RBFOX1: variants seen among roughly 807,000 people sequenced by gnomAD.
RBFOX1 encodes RNA binding fox-1 homolog 1, also known as RNA binding protein fox-1 homolog 1.
A neutral mutation model predicts 57.7 loss-of-function variants in RBFOX1; 8 were observed. The observed-to-expected ratio is 0.14, with a 90% confidence interval of 0.08 to 0.25. RBFOX1 has a LOEUF of 0.25. RBFOX1 is among the 10% of genes least tolerant of loss of function. The pLI, the probability that RBFOX1 is intolerant of heterozygous loss-of-function variation, is 1.00. For missense variants in RBFOX1, 611 were observed against 548.5 expected (o/e 1.11, Z -1.14); for synonymous variants, 326 against 222.4 (o/e 1.47, Z -4.15).
intron 4 of RBFOX1, among the ~76,000 whole-genome samples, chr16:7,155,734 T>TACACACAC (rs1347112963): frequency 2.4e-5 from 2 of 82,464 alleles, no homozygotes; most frequent in Admixed American, 2.5e-4. Context: ...TATATATATA[T>TACACACAC]ATATACACAC....
At chr16:5,985,160 A>G (rs887265502) in intron 4 of RBFOX1, among the ~76,000 whole-genome samples, 1 of 150,580 alleles carries the variant, frequency 6.6e-6, no homozygotes, top group Non-Finnish European at 1.5e-5. Flanking sequence ...TCATATATAT[A>G]TATTTTTATT....
At chr16:6,863,601 T>C (rs1015419959) in intron 3 of RBFOX1, among the ~76,000 whole-genome samples, 3 of 150,726 alleles carry the variant, frequency 2.0e-5, no homozygotes, top group African/African-American at 7.3e-5. Flanking sequence ...ACGCCATTTT[T>C]ATCTTCTTTG....
At chr16:7,439,018 C>T (rs1045266072) in intron 4 of RBFOX1, among the ~76,000 whole-genome samples, 1 of 152,172 alleles carries the variant, frequency 6.6e-6, no homozygotes, top group African/African-American at 2.4e-5. Context: ...TGTGGTGGAG[C>T]AGAGTTCAGC....
chr16:5,394,923 C>T (rs767837126), intron 1 of RBFOX1, among the ~76,000 whole-genome samples: 10 of 152,086 alleles, frequency 6.6e-5, no homozygotes, highest in Non-Finnish European at 1.3e-4. Context: ...TCCTCACTGG[C>T]CACCTTGTGT....
At chr16:5,472,785 A>C (rs1008354678) in intron 2 of RBFOX1, among the ~76,000 whole-genome samples, 1 of 152,182 alleles carries the variant, frequency 6.6e-6, no homozygotes, top group Non-Finnish European at 1.5e-5. Context: ...TTACCAGCGT[A>C]ATTAGAGCAG....
intron 3 of RBFOX1, among the ~76,000 whole-genome samples, chr16:5,847,815 C>G (rs2056795015): frequency 6.6e-6 from 1 of 152,074 alleles, no homozygotes; most frequent in African/African-American, 2.4e-5. Context: ...GAAATGAAGA[C>G]TGTAGGGTGT....
chr16:7,263,376 G>C (rs1478228611), intron 4 of RBFOX1, among the ~76,000 whole-genome samples: 2 of 152,272 alleles, frequency 1.3e-5, no homozygotes, highest in East Asian at 3.9e-4. Context: ...GAATCATCAG[G>C]AGACTAGAAG....
chr16:6,599,437 T>C (rs901863021), intron 2 of RBFOX1, among the ~76,000 whole-genome samples: 1 of 152,144 alleles, frequency 6.6e-6, no homozygotes, highest in African/African-American at 2.4e-5. Context: ...CAGAATACTT[T>C]GCTGAAATAA....
intron 3 of RBFOX1, among the ~76,000 whole-genome samples, chr16:5,723,876 C>G (rs12324936): frequency 6.6e-6 from 1 of 152,224 alleles, no homozygotes; most frequent in Non-Finnish European, 1.5e-5. Flanking sequence ...ACAGCAAAGT[C>G]GCTTCTACAT....
At chr16:5,519,630 C>T (rs1045841280) in intron 2 of RBFOX1, among the ~76,000 whole-genome samples, 1 of 152,062 alleles carries the variant, frequency 6.6e-6, no homozygotes, top group African/African-American at 2.4e-5. Context: ...GAGGCTGAGG[C>T]AAGAAGATTG....
chr16:7,480,371 GT>G (rs1339598393), intron 4 of RBFOX1, among the ~76,000 whole-genome samples: 1 of 152,172 alleles, frequency 6.6e-6, no homozygotes, highest in Non-Finnish European at 1.5e-5. Flanking sequence ...TGTTTAGAGG[GT>G]TAAGAGAGAT....
chr16:7,258,019 G>A (rs1243780235), intron 4 of RBFOX1, among the ~76,000 whole-genome samples: 3 of 152,202 alleles, frequency 2.0e-5, no homozygotes, highest in Non-Finnish European at 4.4e-5. Context: ...GATGTTCAAT[G>A]TAATCAGCAC....
intron 1 of RBFOX1, among the ~76,000 whole-genome samples, chr16:6,236,533 C>G (rs1321314823): frequency 1.3e-5 from 2 of 151,784 alleles, no homozygotes; most frequent in Non-Finnish European, 2.9e-5. Flanking sequence ...CTCCTGGGTT[C>G]AAGTGACTCC....
intron 4 of RBFOX1, among the ~76,000 whole-genome samples, chr16:7,373,291 A>G (rs1250963874): frequency 1.3e-5 from 2 of 152,160 alleles, no homozygotes; most frequent in East Asian, 1.9e-4. Context: ...CCTAAGGAAC[A>G]TACGTTACAT....
chr16:6,062,306 C>G (rs2095698186), intron 1 of RBFOX1, among the ~76,000 whole-genome samples: 1 of 151,960 alleles, frequency 6.6e-6, no homozygotes, highest in African/African-American at 2.4e-5. Context: ...CCTGCCCTCT[C>G]AAGAGGTCAA....
At chr16:6,424,618 TGC>T (rs888097237) in intron 2 of RBFOX1, among the ~76,000 whole-genome samples, 9 of 121,112 alleles carry the variant, frequency 7.4e-5, no homozygotes, top group African/African-American at 3.1e-4. Context: ...TGTGTGTGTG[TGC>T]GTGTGTGTGA....
chr16:6,088,041 TC>T (rs1274945542), intron 1 of RBFOX1, among the ~76,000 whole-genome samples: 2 of 152,202 alleles, frequency 1.3e-5, no homozygotes, highest in Admixed American at 6.5e-5. Context: ...TTTCACAATT[TC>T]TACAGCAGCC....
intron 1 of RBFOX1, among the ~76,000 whole-genome samples, chr16:6,044,488 T>TAAAA (rs35188189): frequency 2.3e-4 from 33 of 143,146 alleles, no homozygotes; most frequent in East Asian, 1.0e-3. Context: ...TGTTTTAGGT[T>TAAAA]AAAAAAAAAA....
At chr16:6,653,162 C>G (rs933133644) in intron 2 of RBFOX1, among the ~76,000 whole-genome samples, 5 of 152,116 alleles carry the variant, frequency 3.3e-5, no homozygotes, top group African/African-American at 9.7e-5. Flanking sequence ...TTCCTTCAAG[C>G]CTTTTCTCAA....
Sources: allele counts gnomAD v4.1 joint callset (sites outside exome capture counted in the v4.1 genomes callset), GRCh38; gene constraint gnomAD v4.1.1; transcripts MANE v1.5; gene names NCBI Gene and HGNC (gene_info 2026-07-23, HGNC 2026-07-21).